The following ASAP2 variants were observed in gnomAD, a reference collection of about 807,000 sequenced individuals.
ASAP2 encodes ArfGAP with SH3 domain, ankyrin repeat and PH domain 2.
A neutral mutation model predicts 131.4 loss-of-function variants in ASAP2; 45 were observed. That is an observed-to-expected ratio of 0.34 (90% CI 0.27 to 0.44). The LOEUF is 0.44. Ranked by LOEUF, ASAP2 falls within the 20% of genes least tolerant of loss-of-function variation. The pLI is 1.00. For missense variants in ASAP2, 1,011 were observed against 1,297.0 expected, an observed-to-expected ratio of 0.78 and a Z score of 3.39; for synonymous variants, 510 against 503.0, an observed-to-expected ratio of 1.01 and a Z score of -0.19.
intron 9 of ASAP2, among the ~76,000 whole-genome samples, chr2:9,337,490 A>G (rs1010511983): frequency 1.1e-4 from 16 of 152,186 alleles, no homozygotes; most frequent in African/African-American, 3.6e-4. Context: ...GACTTAGACA[A>G]CTGAAGGTGT....
intron 7 of ASAP2, among the ~76,000 whole-genome samples, chr2:9,329,990 C>G (rs1670725237): frequency 6.6e-6 from 1 of 152,198 alleles, no homozygotes; most frequent in Non-Finnish European, 1.5e-5. Flanking sequence ...CTCTGTGCCA[C>G]TGAACTATAT....
intron 1 of ASAP2, among the ~76,000 whole-genome samples, chr2:9,211,393 T>C (rs1661539340): frequency 6.6e-6 from 1 of 151,136 alleles, no homozygotes; most frequent in Non-Finnish European, 1.5e-5. Context: ...TTTTTTCTTC[T>C]TTTTTTTTCG....
intron 11 of ASAP2, among the ~76,000 whole-genome samples, chr2:9,349,517 C>A (rs1672194691): frequency 1.3e-5 from 2 of 152,154 alleles, no homozygotes; most frequent in Admixed American, 1.3e-4. Flanking sequence ...TTGAAAGTGT[C>A]CAGATTTACA....
At chr2:9,301,014 C>T (rs1015877364) in intron 3 of ASAP2, among the ~76,000 whole-genome samples, 13 of 152,260 alleles carry the variant, frequency 8.5e-5, no homozygotes, top group Non-Finnish European at 1.8e-4. Context: ...AGTGGCGGCT[C>T]CTGCAAAGCT....
At chr2:9,263,606 G>A (rs889123120) in intron 1 of ASAP2, among the ~76,000 whole-genome samples, 7 of 152,204 alleles carry the variant, frequency 4.6e-5, no homozygotes, top group Non-Finnish European at 5.9e-5. Flanking sequence ...AAGCCATGGG[G>A]CGCTCCCACC....
intron 1 of ASAP2, among the ~76,000 whole-genome samples, chr2:9,267,014 T>C (rs919376894): frequency 4.6e-5 from 7 of 152,186 alleles, no homozygotes; most frequent in Non-Finnish European, 8.8e-5. Context: ...TTTGGCAACA[T>C]TTTCTGGTTC....
chr2:9,294,732 A>G (rs1668047102), intron 2 of ASAP2, among the ~76,000 whole-genome samples: 1 of 152,198 alleles, frequency 6.6e-6, no homozygotes, highest in Admixed American at 6.5e-5. Context: ...TTTGAGGGAC[A>G]CCACGAGGCT....
intron 1 of ASAP2, among the ~76,000 whole-genome samples, chr2:9,275,602 G>A (rs1666711216): frequency 6.6e-6 from 1 of 152,174 alleles, no homozygotes; most frequent in African/African-American, 2.4e-5. Flanking sequence ...CTCCCTGAAT[G>A]CACTTCCTGC....
At chr2:9,322,545 T>A (rs546746075) in intron 5 of ASAP2, among the ~76,000 whole-genome samples, 1 of 151,854 alleles carries the variant, frequency 6.6e-6, no homozygotes, top group African/African-American at 2.4e-5. Context: ...TCTTTGGATG[T>A]GCTCATTGGT....
intron 9 of ASAP2, among the ~76,000 whole-genome samples, chr2:9,341,882 T>C (rs1671605116): frequency 6.6e-6 from 1 of 152,198 alleles, no homozygotes; most frequent in Admixed American, 6.5e-5. Context: ...GTGTGAACTT[T>C]CTGTGGAAAT....
Position 9,350,815 on chromosome 2 carries a change from G to A in ASAP2, c.1031G>A (p.Arg344Gln), listed in dbSNP as rs776506630. ...FLTISHGTAN[R>Q]PPAKLNLLTC... The stretch of plus-strand genomic sequence containing the variant: ...TTTTTTGCTTTTAAACAGGCTAACC[G>A]GCCTCCTGCAAAGCTCAACCTGCTA... The change falls in exon 12 of 28, where the codon CGG (arginine) becomes CAG (glutamine). Residue 344 changes from arginine (R) to glutamine (Q), a missense_variant. Arg to Gln is a conservative substitution (Grantham distance 43). Transcript: ENST00000281419. The A allele has an allele frequency of 2.4e-5, 39 of 1,612,696 alleles. No homozygotes were observed. Among genetic ancestry groups the A allele is most frequent in the South Asian group, 4.4e-5 (4 of 90,830 alleles).
chr2:9,286,447 A>AAAAAATATATATATATATAT (rs58605449), intron 2 of ASAP2, among the ~76,000 whole-genome samples: 5 of 148,488 alleles, frequency 3.4e-5, no homozygotes, highest in African/African-American at 1.3e-4. Flanking sequence ...GAAAAAAAAA[A>AAAAAATATATATATATATAT]ATATATATAT....
chr2:9,241,141 T>C (rs1237826455), intron 1 of ASAP2, among the ~76,000 whole-genome samples: 2 of 152,254 alleles, frequency 1.3e-5, no homozygotes, highest in Admixed American at 6.5e-5. Context: ...AGGGTAGTAC[T>C]GTATCTGGAT....
chr2:9,232,247 G>A lies in ASAP2; in HGVS notation c.126+25017G>A, dbSNP rs897435693. 6.6e-6 allele frequency among the ~76,000 whole-genome samples: 1 copy of A among 151,738 alleles called. No homozygotes were observed. Among genetic ancestry groups the A allele is most frequent in the Non-Finnish European group, 1.5e-5 (1 of 67,966 alleles). On this transcript the variant is annotated intron_variant, in intron 1 of 27. Coordinates refer to ENST00000281419, the MANE Select transcript of ASAP2 (RefSeq NM_003887.3). The surrounding 1 kb of genome is among the most constrained non-coding windows in gnomAD (Gnocchi z 4.1). ...CCATGCCTGTCCTCTGTGTCAACAC[G>A]CCTCACTGCCCTGCGCCCGATCCTT...
intron 1 of ASAP2, among the ~76,000 whole-genome samples, chr2:9,264,631 T>C (rs1665814645): frequency 6.6e-6 from 1 of 152,160 alleles, no homozygotes; most frequent in Admixed American, 6.5e-5. Context: ...TTTCAGGTGA[T>C]AGCGAAAACT....
chr2:9,232,832 G>C lies in ASAP2; in HGVS notation c.126+25602G>C, dbSNP rs897176736. Among the ~76,000 whole-genome samples the C allele has an allele frequency of 4.6e-5, 7 of 152,134 alleles. No homozygotes were observed. Among genetic ancestry groups the C allele is most frequent in the Non-Finnish European group, 4.4e-5 (3 of 68,016 alleles). On this transcript the variant is annotated intron_variant, in intron 1 of 27. Transcript: ENST00000281419. The surrounding 1 kb of genome is among the most constrained non-coding windows in gnomAD (Gnocchi z 4.1). ...CTTGATTCTTAGAGGGTAATGGTTC[G>C]AAAGTTGAATTAGTGAGTGTAAATC...
At position 9,254,527 on chromosome 2, in the gene ASAP2, A is replaced by ATTTTTTTTTTTTTTTT. The variant is rs546862626; in HGVS notation, c.127-24779_127-24764dup. Among the ~76,000 whole-genome samples the ATTTTTTTTTTTTTTTT allele has an allele frequency of 3.2e-4, 9 of 28,014 alleles. 1 individual carries two copies. Among genetic ancestry groups the ATTTTTTTTTTTTTTTT allele is most frequent in the African/African-American group, 1.2e-3 (9 of 7,784 alleles). 18.4% of individuals were successfully genotyped at this position (28,014 alleles called of 152,430 possible). On this transcript the variant is annotated intron_variant, in intron 1 of 27. Transcript: ENST00000281419. The stretch of plus-strand genomic sequence containing the variant: ...ACCACTACCCCCAGCTAATTTTTGG[A>ATTTTTTTTTTTTTTTT]TTTTTTTTTTTTTTTTTTTTTTTTT...
chr2:9,317,455 TGTG>T (rs1669814618), intron 3 of ASAP2, among the ~76,000 whole-genome samples: 1 of 70,192 alleles, frequency 1.4e-5, no homozygotes, highest in Non-Finnish European at 3.1e-5. Context: ...CACACACACA[TGTG>T]CATTCACCTT....
At chr2:9,304,498 G>T (rs1463279459) in intron 3 of ASAP2, among the ~76,000 whole-genome samples, 1 of 145,656 alleles carries the variant, frequency 6.9e-6, no homozygotes. Flanking sequence ...TAGGGGGGGT[G>T]TAGATACAGG....
Sources: allele counts gnomAD v4.1 joint callset (sites outside exome capture counted in the v4.1 genomes callset), GRCh38; gene constraint gnomAD v4.1.1; non-coding constraint Gnocchi (gnomAD v3.1); transcripts MANE v1.5; gene names NCBI Gene and HGNC (gene_info 2026-07-23, HGNC 2026-07-21).